The following FBXL20 variants were observed in gnomAD, a reference collection of about 807,000 sequenced individuals.
FBXL20 encodes the protein F-box/LRR-repeat protein 20.
In FBXL20, 11 loss-of-function variants were observed where a neutral mutation model predicts 64.0. The observed-to-expected ratio is 0.17, with a 90% CI of 0.11 to 0.28. The LOEUF (loss-of-function observed/expected upper bound fraction) is 0.28. FBXL20 is among the 10% of genes least tolerant of loss of function. The probability of loss-of-function intolerance (pLI) is 1.00; values close to 1 mark genes in which losing one functional copy is unlikely to be tolerated. For missense variants in FBXL20, 303 were observed against 526.2 expected (o/e 0.58, Z 4.15); for synonymous variants, 184 against 189.0 (o/e 0.97, Z 0.22).
At chr17:39,392,056 G>C (rs2144677647) in intron 1 of FBXL20, among the ~76,000 whole-genome samples, 1 of 152,254 alleles carries the variant, frequency 6.6e-6, no homozygotes, top group Non-Finnish European at 1.5e-5. Context: ...AGAATCGCAT[G>C]AACGCAGGAG....
intron 6 of FBXL20, among the ~76,000 whole-genome samples, chr17:39,295,946 A>G (rs144233501): frequency 4.9e-4 from 75 of 152,152 alleles, no homozygotes; most frequent in Non-Finnish European, 9.9e-4. Context: ...CCTGTTCTCT[A>G]CTAATAGACA....
chr17:39,343,380 G>C (rs1009991989), intron 1 of FBXL20, 139 bp from the exon 2 acceptor site: 7 of 542,012 alleles, frequency 1.3e-5, no homozygotes, highest in Middle Eastern at 4.2e-4. Flanking sequence ...CATAATTTTG[G>C]AAACTCTTTA....
intron 6 of FBXL20, among the ~76,000 whole-genome samples, chr17:39,292,591 A>G (rs1028774474): frequency 6.6e-6 from 1 of 151,454 alleles, no homozygotes; most frequent in Non-Finnish European, 1.5e-5. Context: ...CTTATTGTTC[A>G]GTTCTATTTC....
In FBXL20 at chr17:39,397,814, T is replaced by G. The variant is rs570935618; in HGVS notation, c.42+3547A>C. Among the ~76,000 whole-genome samples the G allele has an allele frequency of 1.5e-3, 223 of 151,164 alleles. 1 individual carries two copies. Among genetic ancestry groups the G allele is most frequent in the African/African-American group, 5.3e-3 (216 of 41,128 alleles). ...TTTTCCACAAATTTTATAGACTTTTTGCTAGTCATGCTAAAAAAAAAAGCA... is the reference window on the plus strand; with the variant it reads ...TTTTCCACAAATTTTATAGACTTTTGGCTAGTCATGCTAAAAAAAAAAGCA... On this transcript the variant is annotated intron_variant, in intron 1 of 14. Transcript: ENST00000264658.
chr17:39,274,225 T>C (rs567636991), intron 10 of FBXL20, among the ~76,000 whole-genome samples: 2 of 152,312 alleles, frequency 1.3e-5, no homozygotes, highest in African/African-American at 2.4e-5. Flanking sequence ...TTACAAGTAC[T>C]ATGTAAGTTT....
intron 2 of FBXL20, among the ~76,000 whole-genome samples, chr17:39,337,038 C>G (rs1361637242): frequency 1.3e-5 from 2 of 151,012 alleles, no homozygotes; most frequent in Non-Finnish European, 2.9e-5. Flanking sequence ...GATGCTGAGC[C>G]GAAGCTGGAC....
chr17:39,287,044 C>CT (rs2046995287), intron 6 of FBXL20, among the ~76,000 whole-genome samples: 1 of 150,692 alleles, frequency 6.6e-6, no homozygotes, highest in South Asian at 2.1e-4. Context: ...ACCCAAGTAG[C>CT]TGGGATTACA....
chr17:39,272,718 A>AAAG (rs1555602654), intron 10 of FBXL20, among the ~76,000 whole-genome samples: 40 of 79,882 alleles, frequency 5.0e-4, no homozygotes, highest in African/African-American at 1.4e-3. Context: ...AAAAAAAAAA[A>AAAG]AAAGAAAGAA....
chr17:39,371,319 G>A (rs1302649069), intron 1 of FBXL20, among the ~76,000 whole-genome samples: 2 of 151,990 alleles, frequency 1.3e-5, no homozygotes, highest in African/African-American at 4.8e-5. Flanking sequence ...AAAACTTATA[G>A]GCATGAGCCT....
intron 2 of FBXL20, among the ~76,000 whole-genome samples, chr17:39,341,278 TA>T (rs1257437425): frequency 6.6e-6 from 1 of 152,150 alleles, no homozygotes; most frequent in Non-Finnish European, 1.5e-5. Context: ...TAATAAATGA[TA>T]GTTAGATTCC....
At chr17:39,382,092 CAA>C (rs36115875) in intron 1 of FBXL20, among the ~76,000 whole-genome samples, 1,324 of 71,388 alleles carry the variant, frequency 0.019, 14 homozygotes, top group African/African-American at 0.059. Flanking sequence ...GACTCCGTCT[CAA>C]AAAAAAAAAA....
At chr17:39,300,520 T>A (rs1296819145) in intron 4 of FBXL20, among the ~76,000 whole-genome samples, 2 of 152,100 alleles carry the variant, frequency 1.3e-5, no homozygotes, top group Non-Finnish European at 2.9e-5. Context: ...GGAAAAAACT[T>A]CTCTCTCTAG....
intron 1 of FBXL20, among the ~76,000 whole-genome samples, chr17:39,355,521 G>C (rs2047727148): frequency 6.6e-6 from 1 of 152,004 alleles, no homozygotes; most frequent in Non-Finnish European, 1.5e-5. Context: ...TTGATAAACT[G>C]CAATTTTTTT....
chr17:39,330,275 C>T (rs2047447925), intron 2 of FBXL20, among the ~76,000 whole-genome samples: 1 of 149,436 alleles, frequency 6.7e-6, no homozygotes, highest in African/African-American at 2.5e-5. Flanking sequence ...CCAGCCTGGG[C>T]AACAGAGCAA....
intron 1 of FBXL20, among the ~76,000 whole-genome samples, chr17:39,386,256 G>A (rs959360986): frequency 2.0e-5 from 3 of 150,706 alleles, no homozygotes; most frequent in Admixed American, 6.6e-5. Context: ...GCAGTGAGCG[G>A]AGATCGCGCC....
At chr17:39,323,823 A>T (rs1355244248) in intron 2 of FBXL20, among the ~76,000 whole-genome samples, 1 of 149,376 alleles carries the variant, frequency 6.7e-6, no homozygotes, top group Non-Finnish European at 1.5e-5. Flanking sequence ...CCCAGGCTGG[A>T]GTGCAGTGAT....
At chr17:39,321,093 A>AAC (rs1343382015) in intron 2 of FBXL20, among the ~76,000 whole-genome samples, 1 of 152,162 alleles carries the variant, frequency 6.6e-6, no homozygotes, top group Non-Finnish European at 1.5e-5. Flanking sequence ...ATATACAGTG[A>AAC]ACATAAGTGA....
rs940586941 is a variant in FBXL20, at chr17:39,282,948, G to T, written c.495-93C>A. On this transcript the variant is annotated intron_variant, in intron 7 of 14. Coordinates refer to ENST00000264658, the MANE Select transcript of FBXL20 (RefSeq NM_032875.3). ...TTATTGGCTATTTAGTAAAGGAATG[G>T]AAACATTCCCATTTTTTCCCACAAG... 3 of 1,408,432 alleles carry T rather than the reference G, an allele frequency of 2.1e-6. No individual in the cohort carries two copies. The African/African-American group carries it at 4.3e-5, about 20-fold the overall frequency. The allele number at this position is 1,408,432 out of a possible 1,614,324, so 87.2% of individuals were successfully genotyped here.
At chr17:39,308,312 C>T (rs2047201285) in intron 2 of FBXL20, among the ~76,000 whole-genome samples, 2 of 152,000 alleles carry the variant, frequency 1.3e-5, no homozygotes, top group East Asian at 2.0e-4. Flanking sequence ...ATGGGCAACA[C>T]AGTGAGACCC....
Sources: gnomAD v4.1 joint callset for allele counts (sites outside exome capture counted in the v4.1 genomes callset) on GRCh38, gnomAD v4.1.1 for gene constraint, MANE v1.5 for transcripts, NCBI Gene and HGNC (gene_info 2026-07-23, HGNC 2026-07-21) for gene names.